The following NCOA1 variants were observed in gnomAD, a reference collection of about 807,000 sequenced individuals.
NCOA1 encodes nuclear receptor coactivator 1.
NCOA1 carries 35 observed loss-of-function variants against 150.9 expected under a neutral mutation model. That is an observed-to-expected ratio of 0.23 (90% CI 0.18 to 0.31). NCOA1 has a LOEUF of 0.31. NCOA1 is among the 10% of genes least tolerant of loss of function. The pLI, the probability that NCOA1 is intolerant of heterozygous loss-of-function variation, is 1.00. For missense variants in NCOA1, 1,491 were observed against 1,749.3 expected, an observed-to-expected ratio of 0.85 and a Z score of 2.63; for synonymous variants, 590 against 630.0, an observed-to-expected ratio of 0.94 and a Z score of 0.95.
Position 24,704,703 on chromosome 2 carries a change from G to A in NCOA1, c.950-383G>A, listed in dbSNP as rs1024303809. ...CAGGAGAATTGCTTGAACCCCAGAG[G>A]CAGAGGTTGCAGTGAGCCGAGATCG... On this transcript the variant is annotated intron_variant, in intron 11 of 22. Transcript: ENST00000348332. Among the ~76,000 whole-genome samples the A allele has an allele frequency of 2.0e-5, 3 of 152,054 alleles. No homozygotes were observed. The East Asian group carries it at 5.8e-4, about 29-fold the overall frequency.
intron 13 of NCOA1, among the ~76,000 whole-genome samples, chr2:24,709,721 T>A (rs1373883862): frequency 6.6e-6 from 1 of 152,242 alleles, no homozygotes. Flanking sequence ...ACAAAAGACA[T>A]GTTCACAAAT....
intron 3 of NCOA1, among the ~76,000 whole-genome samples, chr2:24,602,269 C>T (rs1289678679): frequency 6.6e-6 from 1 of 152,138 alleles, no homozygotes; most frequent in Admixed American, 6.5e-5. Flanking sequence ...GGCGTAATCT[C>T]AGGTCACTGC....
At chr2:24,529,257 A>T (rs1664781276) in intron 1 of NCOA1, among the ~76,000 whole-genome samples, 1 of 152,242 alleles carries the variant, frequency 6.6e-6, no homozygotes. Context: ...GGGACTGAGC[A>T]CTGAGGCAGA....
intron 1 of NCOA1, among the ~76,000 whole-genome samples, chr2:24,555,111 G>C (rs1321605038): frequency 1.3e-5 from 2 of 152,086 alleles, no homozygotes; most frequent in Non-Finnish European, 2.9e-5. Context: ...GTGAGAGAGA[G>C]GGGACTTCCG....
intron 14 of NCOA1, among the ~76,000 whole-genome samples, chr2:24,721,160 A>G (rs967451943): frequency 3.3e-5 from 5 of 152,296 alleles, no homozygotes; most frequent in Middle Eastern, 3.4e-3. Context: ...CAGTCCATCT[A>G]TTGAGATCAT....
At chr2:24,729,868 TCAC>T (rs1182703937) in intron 17 of NCOA1, 53 bp downstream of exon 17, 38 of 1,412,072 alleles carry the variant, frequency 2.7e-5, no homozygotes, top group Middle Eastern at 1.9e-4. Flanking sequence ...AGACGAAGTC[TCAC>T]CTGTCACCAG....
chr2:24,504,131 A>C lies in NCOA1; in HGVS notation c.-396+12529A>C, dbSNP rs184662119. Among the ~76,000 whole-genome samples, 3 of 152,324 alleles carry C rather than the reference A, an allele frequency of 2.0e-5. No homozygotes were observed. The South Asian group carries it at 6.2e-4, about 32-fold the overall frequency. The stretch of plus-strand genomic sequence containing the variant: ...AGTGCTTTCATAATGCTCTACCCAC[A>C]GTATACATACATAAGTTTGTTACCG... On this transcript the variant is annotated intron_variant, in intron 1 of 22. Transcript: ENST00000348332.
chr2:24,660,345 A>G (rs891686872), intron 5 of NCOA1, among the ~76,000 whole-genome samples: 6 of 152,126 alleles, frequency 3.9e-5, no homozygotes, highest in Non-Finnish European at 8.8e-5. Context: ...ATATTTTATC[A>G]TATTATTATT....
intron 3 of NCOA1, among the ~76,000 whole-genome samples, chr2:24,620,814 G>C (rs1296917826): frequency 6.6e-6 from 1 of 152,112 alleles, no homozygotes; most frequent in East Asian, 1.9e-4. Flanking sequence ...TCATTGAATG[G>C]AATATTGTAG....
At chr2:24,733,487 T>C (rs1312023964) in intron 17 of NCOA1, among the ~76,000 whole-genome samples, 1 of 152,210 alleles carries the variant, frequency 6.6e-6, no homozygotes, top group African/African-American at 2.4e-5. Context: ...CTCACGCCTG[T>C]AATCCTAGCA....
chr2:24,627,526 G>A (rs1669486753), intron 3 of NCOA1, among the ~76,000 whole-genome samples: 1 of 152,132 alleles, frequency 6.6e-6, no homozygotes, highest in Non-Finnish European at 1.5e-5. Context: ...AATTAGTAAT[G>A]CAAACAGTTA....
At chr2:24,537,329 C>T (rs1382939285) in intron 1 of NCOA1, among the ~76,000 whole-genome samples, 2 of 151,668 alleles carry the variant, frequency 1.3e-5, no homozygotes, top group Non-Finnish European at 1.5e-5. Context: ...TTTGCCACAA[C>T]GGATGGACCT....
At chr2:24,670,802 GC>G (rs1671648603) in intron 6 of NCOA1, among the ~76,000 whole-genome samples, 1 of 152,162 alleles carries the variant, frequency 6.6e-6, no homozygotes, top group South Asian at 2.1e-4. Flanking sequence ...TGAATTGTGT[GC>G]CTTAAATGAG....
chr2:24,659,735 G>A (rs1048661907), intron 5 of NCOA1, among the ~76,000 whole-genome samples: 3 of 152,148 alleles, frequency 2.0e-5, no homozygotes, highest in Non-Finnish European at 2.9e-5. Flanking sequence ...TTGACATTTC[G>A]TGTCAGATAA....
intron 10 of NCOA1, among the ~76,000 whole-genome samples, chr2:24,695,297 A>G (rs1672847274): frequency 6.6e-6 from 1 of 152,140 alleles, no homozygotes. Flanking sequence ...ATATAGAGAG[A>G]GAGGGAACCT....
intron 3 of NCOA1, among the ~76,000 whole-genome samples, chr2:24,622,790 C>T (rs1032674647): frequency 6.6e-6 from 1 of 152,014 alleles, no homozygotes; most frequent in African/African-American, 2.4e-5. Flanking sequence ...TTGTTCTTGG[C>T]TCATTTTTCT....
At chr2:24,533,361 T>A (rs914967685) in intron 1 of NCOA1, among the ~76,000 whole-genome samples, 2 of 152,132 alleles carry the variant, frequency 1.3e-5, no homozygotes, top group Admixed American at 1.3e-4. Flanking sequence ...GACGATGCGG[T>A]TTTCTAAATA....
At chr2:24,687,632 GGA>G (rs910450561) in intron 8 of NCOA1, among the ~76,000 whole-genome samples, 2 of 151,850 alleles carry the variant, frequency 1.3e-5, no homozygotes, top group African/African-American at 4.8e-5. Flanking sequence ...CAAGGAGGCA[GGA>G]GAGAGAGAGA....
chr2:24,655,811 G>A (rs926006329), intron 4 of NCOA1, among the ~76,000 whole-genome samples: 6 of 152,074 alleles, frequency 3.9e-5, no homozygotes, highest in South Asian at 2.1e-4. Context: ...AGTAATGGCC[G>A]GGCATGGTGG....
Sources: allele counts gnomAD v4.1 joint callset (sites outside exome capture counted in the v4.1 genomes callset), GRCh38; gene constraint gnomAD v4.1.1; transcripts MANE v1.5; gene names NCBI Gene and HGNC (gene_info 2026-07-23, HGNC 2026-07-21).